ACACA: variants seen among roughly 807,000 people sequenced by gnomAD.
ACACA encodes acetyl-CoA carboxylase alpha, also known as acetyl-CoA carboxylase 1.
ACACA carries 103 observed loss-of-function variants against 296.1 expected under a neutral mutation model. That is an observed-to-expected ratio of 0.35 (90% confidence interval 0.30 to 0.41). The LOEUF (loss-of-function observed/expected upper bound fraction) is 0.41, where lower values mean the gene tolerates loss of function less well. Ranked by LOEUF, ACACA falls within the 10% of genes least tolerant of loss-of-function variation. The probability of loss-of-function intolerance (pLI) is 1.00; values close to 1 mark genes in which losing one functional copy is unlikely to be tolerated. For synonymous variants in ACACA, 953 were observed against 1,038.6 expected, an observed-to-expected ratio of 0.92 and a Z score of 1.58; for missense variants, 1,554 against 2,989.7, an observed-to-expected ratio of 0.52 and a Z score of 11.20.
At chr17:37,283,237 A>T in intron 5 of ACACA, 30 bp downstream of exon 5, 12 of 1,613,822 alleles carry the variant, frequency 7.4e-6, no homozygotes, top group Non-Finnish European at 9.3e-6. Context: ...TAGTTTTGAG[A>T]GTGATGCTTT....
At chr17:37,287,301 T>C (rs1249312708) in intron 3 of ACACA, among the ~76,000 whole-genome samples, 1 of 152,214 alleles carries the variant, frequency 6.6e-6, no homozygotes, top group Non-Finnish European at 1.5e-5. Flanking sequence ...TACATATACA[T>C]ACATAAATAA....
At chr17:37,342,740 T>C (rs953683979) in intron 1 of ACACA, among the ~76,000 whole-genome samples, 2 of 148,040 alleles carry the variant, frequency 1.4e-5, no homozygotes, top group African/African-American at 2.5e-5. Context: ...AGTCCAGGAG[T>C]TCAAGGCCAG....
chr17:37,283,718 A>G (rs1445875051), intron 4 of ACACA, among the ~76,000 whole-genome samples: 1 of 152,194 alleles, frequency 6.6e-6, no homozygotes, highest in Non-Finnish European at 1.5e-5. Context: ...CCATACTACC[A>G]TATTGTGGGT....
intron 10 of ACACA, among the ~76,000 whole-genome samples, chr17:37,265,790 T>TC (rs1381636718): frequency 1.3e-5 from 2 of 152,268 alleles, no homozygotes; most frequent in Non-Finnish European, 2.9e-5. Flanking sequence ...CATCCCCTGC[T>TC]CCTAGCTCTG....
chr17:37,393,631 C>G (rs926369263), intron 1 of ACACA, among the ~76,000 whole-genome samples: 1 of 151,730 alleles, frequency 6.6e-6, no homozygotes, highest in Admixed American at 6.6e-5. Context: ...TGGCTTGAGG[C>G]CAGGAGTTTG....
At chr17:37,359,960 G>A (rs1171843447) in intron 1 of ACACA, among the ~76,000 whole-genome samples, 1 of 152,052 alleles carries the variant, frequency 6.6e-6, no homozygotes, top group Non-Finnish European at 1.5e-5. Flanking sequence ...CCTGCCCTGA[G>A]CAAAATAGTT....
intron 52 of ACACA, among the ~76,000 whole-genome samples, chr17:37,108,405 A>T (rs1316402103): frequency 4.0e-5 from 6 of 149,956 alleles, no homozygotes; most frequent in South Asian, 4.2e-4. Flanking sequence ...TTTTTTTTTT[A>T]AAGACAGGGA....
intron 22 of ACACA, 74 bp from the exon 23 acceptor site, chr17:37,242,127 G>T: frequency 9.0e-7 from 1 of 1,109,356 alleles, no homozygotes; most frequent in South Asian, 1.2e-5. Context: ...TCTATAGCAC[G>T]ACCAGTAGGA....
intron 7 of ACACA, 152 bp downstream of exon 7, chr17:37,276,881 G>A: frequency 1.4e-6 from 1 of 729,312 alleles, no homozygotes; most frequent in South Asian, 1.5e-5. Flanking sequence ...GAAATGAAGA[G>A]GGTTACTCTG....
chr17:37,160,239 A>G (rs116802818), intron 42 of ACACA, among the ~76,000 whole-genome samples: 3,283 of 152,328 alleles, frequency 0.022, 117 homozygotes, highest in African/African-American at 0.073. Context: ...TGATGCACAA[A>G]AGAGCAGGAG....
At chr17:37,092,507 G>A (rs1234206711) in intron 54 of ACACA, among the ~76,000 whole-genome samples, 2 of 152,176 alleles carry the variant, frequency 1.3e-5, no homozygotes, top group African/African-American at 2.4e-5. Context: ...CTGCATCAGT[G>A]GATAAGTATC....
At chr17:37,109,690 T>C (rs1373012845) in intron 52 of ACACA, among the ~76,000 whole-genome samples, 1 of 152,228 alleles carries the variant, frequency 6.6e-6, no homozygotes, top group Non-Finnish European at 1.5e-5. Flanking sequence ...CTTCATGTGC[T>C]TCAAAAGTTA....
Position 37,193,433 on chromosome 17 carries a change from GA to G in ACACA, c.4159-19del. On this transcript the variant is annotated intron_variant, in intron 35 of 55. Coordinates refer to ENST00000616317, the MANE Select transcript of ACACA (RefSeq NM_198834.3). Reference sequence around the variant, plus strand: ...AATTCTCTCTGTATTAAAGAAGGGGGAAAAATGTGTCAGTAGTTCATAGACA... The same window carrying G: ...AATTCTCTCTGTATTAAAGAAGGGGGAAAATGTGTCAGTAGTTCATAGACA... The G allele has an allele frequency of 7.6e-6, 12 of 1,585,662 alleles. No individual in the cohort carries two copies. Among genetic ancestry groups the G allele is most frequent in the South Asian group, 2.2e-5 (2 of 90,414 alleles).
At chr17:37,249,614 C>T (rs568890796) in intron 16 of ACACA, among the ~76,000 whole-genome samples, 7 of 151,944 alleles carry the variant, frequency 4.6e-5, no homozygotes, top group East Asian at 1.9e-4. Flanking sequence ...AGTGATGTTG[C>T]GCATGTTTTC....
intron 16 of ACACA, among the ~76,000 whole-genome samples, chr17:37,249,106 T>A (rs9916468): frequency 2.3e-4 from 35 of 152,332 alleles, no homozygotes; most frequent in South Asian, 8.3e-4. Flanking sequence ...TAAAACCATA[T>A]AGTATTTGTC....
At chr17:37,125,929 G>A (rs917100613) in intron 47 of ACACA, 135 bp from the exon 48 acceptor site, 2 of 738,296 alleles carry the variant, frequency 2.7e-6, no homozygotes, top group Admixed American at 2.0e-5. Context: ...TATAATAGAT[G>A]GAAGCATTAG....
intron 3 of ACACA, among the ~76,000 whole-genome samples, chr17:37,321,237 T>C (rs918308106): frequency 2.0e-5 from 3 of 152,178 alleles, no homozygotes; most frequent in East Asian, 1.9e-4. Context: ...ATGGAAGAAG[T>C]TGAAAGTCAA....
intron 43 of ACACA, among the ~76,000 whole-genome samples, chr17:37,154,564 T>G (rs1401819730): frequency 6.6e-6 from 1 of 152,138 alleles, no homozygotes; most frequent in East Asian, 1.9e-4. Context: ...TGGTGTCATC[T>G]CGGCTCACTG....
intron 52 of ACACA, 127 bp from the exon 53 acceptor site, chr17:37,098,111 G>T: frequency 8.5e-7 from 1 of 1,179,048 alleles, no homozygotes; most frequent in Non-Finnish European, 1.3e-6. Context: ...CTGGCTCTCC[G>T]TTGTCTTCTC....
Sources: allele counts gnomAD v4.1 joint callset (sites outside exome capture counted in the v4.1 genomes callset), GRCh38; gene constraint gnomAD v4.1.1; transcripts MANE v1.5; gene names NCBI Gene and HGNC (gene_info 2026-07-23, HGNC 2026-07-21).